The following MKNK1 variants were observed in gnomAD, a reference collection of about 807,000 sequenced individuals.
MKNK1 encodes MAPK interacting serine/threonine kinase 1.
In MKNK1, 30 loss-of-function variants were observed where a neutral mutation model predicts 49.3. That is an observed-to-expected ratio of 0.61 (90% CI 0.46 to 0.83). The LOEUF (loss-of-function observed/expected upper bound fraction) is 0.83, where lower values mean the gene tolerates loss of function less well. Among genes scored for constraint, MKNK1 ranks in the 40% least tolerant of loss-of-function variants. MKNK1 has a pLI of 0.00. For synonymous variants in MKNK1, 176 were observed against 201.7 expected, an observed-to-expected ratio of 0.87 and a Z score of 1.08; for missense variants, 423 against 524.7, an observed-to-expected ratio of 0.81 and a Z score of 1.89.
chr1:46,564,044 C>CAAAAAAAAAAAAAAA lies in MKNK1; in HGVS notation c.609+982_609+996dup, dbSNP rs1217205121. ...TGGGCAACAGAGCAAGACTCTGTCT[C>CAAAAAAAAAAAAAAA]AAAAAAAAAAAAAAAAAAAAAGGGT... On this transcript the variant is annotated intron_variant, in intron 9 of 12. Coordinates refer to ENST00000371945, the MANE Select transcript of MKNK1 (RefSeq NM_001135553.4). Among the ~76,000 whole-genome samples, 59 of 39,084 alleles carry CAAAAAAAAAAAAAAA rather than the reference C, an allele frequency of 1.5e-3. 3 individuals carry two copies. The East Asian group carries it at 0.017, about 11-fold the overall frequency. The allele number at this position is 39,084 out of a possible 152,430, so 25.6% of individuals were successfully genotyped here. A position where few individuals can be genotyped will look rare whatever the true frequency, so the allele number is the denominator to read the frequency against.
At chr1:46,566,101 C>T (rs1218974749) in intron 8 of MKNK1, among the ~76,000 whole-genome samples, 1 of 152,202 alleles carries the variant, frequency 6.6e-6, no homozygotes, top group African/African-American at 2.4e-5. Context: ...TCCATCACTC[C>T]AAACAGAAAC....
intron 2 of MKNK1, among the ~76,000 whole-genome samples, chr1:46,588,807 C>CAAAAA (rs35556956): frequency 7.3e-4 from 52 of 71,312 alleles, no homozygotes; most frequent in African/African-American, 2.4e-3. Context: ...GACTCCGTCT[C>CAAAAA]AAAAAAAAAA....
At chr1:46,582,906 C>A (rs1405145762) in intron 3 of MKNK1, 1 of 522,638 alleles carries the variant, frequency 1.9e-6, no homozygotes. Context: ...CCAGGAATAG[C>A]TGAGGGAAGA....
At chr1:46,562,572 C>G in intron 10 of MKNK1, 77 bp downstream of exon 10, 1 of 1,466,508 alleles carries the variant, frequency 6.8e-7, no homozygotes. Context: ...GCTCTCCCAG[C>G]CCAGTCCTGC....
intron 1 of MKNK1, among the ~76,000 whole-genome samples, chr1:46,595,447 T>C (rs1475508521): frequency 6.6e-6 from 1 of 152,050 alleles, no homozygotes; most frequent in East Asian, 1.9e-4. Context: ...CTTCTCTTCT[T>C]CCCTATCAGA....
intron 2 of MKNK1, among the ~76,000 whole-genome samples, chr1:46,587,288 C>T (rs1037739792): frequency 1.3e-5 from 2 of 152,304 alleles, no homozygotes; most frequent in Non-Finnish European, 2.9e-5. Context: ...AACGGCTCGG[C>T]GGTCCACCAC....
intron 8 of MKNK1, 79 bp downstream of exon 8, chr1:46,568,361 ACTG>A: frequency 7.4e-7 from 1 of 1,348,164 alleles, no homozygotes. Context: ...GGCCAACGGA[ACTG>A]CTAACAATCC....
intron 11 of MKNK1, 28 bp downstream of exon 11, chr1:46,561,450 G>GA (rs760479941): frequency 2.9e-5 from 46 of 1,580,696 alleles, no homozygotes; most frequent in Non-Finnish European, 3.9e-5. Context: ...TGAAGTGGTG[G>GA]AAAACACCCC....
chr1:46,580,745 T>C (rs1671609606), intron 3 of MKNK1, 118 bp from the exon 4 acceptor site: 1 of 654,270 alleles, frequency 1.5e-6, no homozygotes, highest in African/African-American at 1.8e-5. Context: ...CCAATGACTC[T>C]AGCACTCAGT....
chr1:46,584,817 A>T (rs1672274647), intron 2 of MKNK1: 1 of 152,198 alleles, frequency 6.6e-6, no homozygotes, highest in Non-Finnish European at 1.5e-5. Flanking sequence ...ATGACAGCAC[A>T]TTTTAAATTA....
intron 10 of MKNK1, among the ~76,000 whole-genome samples, chr1:46,562,395 C>CAA (rs66491559): frequency 9.9e-4 from 34 of 34,328 alleles, no homozygotes; most frequent in African/African-American, 2.0e-3. Flanking sequence ...GACTCCATCT[C>CAA]AAAAAAAAAA....
Position 46,576,601 on chromosome 1 carries a change from C to T in MKNK1, c.252G>A (p.Glu84=). 1 of 1,614,138 alleles carries T rather than the reference C, an allele frequency of 6.2e-7. No individual in the cohort carries two copies. Among genetic ancestry groups the T allele is most frequent in the Non-Finnish European group, 8.5e-7 (1 of 1,179,966 alleles). The change falls in exon 5 of 13, where the codon GAG becomes GAA. Residue 84 remains glutamate, a synonymous_variant. Transcript: ENST00000371945. ...TGTTTCCCTGACACTGATACAGCGT[C>T]TCCACCTCTCGAAACACCCTACTCC... The part of the protein sequence containing the change: ...HSRSRVFREV[E]TLYQCQGNKN...
chr1:46,567,726 G>A (rs1471003584), intron 8 of MKNK1, among the ~76,000 whole-genome samples: 3 of 152,192 alleles, frequency 2.0e-5, no homozygotes, highest in South Asian at 4.1e-4. Flanking sequence ...AGCTGTGAAC[G>A]TGGGCCCCAA....
Position 46,592,519 on chromosome 1 carries a change from C to T in MKNK1, c.-3+1594G>A, listed in dbSNP as rs551253447. ...GTGTGACTGGAGCTGTGCCTGGGGG[C>T]CACGGAACTGACTGTGATGTGAAGA... On this transcript the variant is annotated intron_variant, in intron 2 of 12. Coordinates refer to ENST00000371945, the MANE Select transcript of MKNK1 (RefSeq NM_001135553.4). Among the ~76,000 whole-genome samples, 8 of 152,270 alleles carry T rather than the reference C, an allele frequency of 5.3e-5. No homozygotes were observed. In the East Asian group the frequency reaches 9.6e-4, roughly 18 times the overall value.
intron 4 of MKNK1, among the ~76,000 whole-genome samples, chr1:46,578,745 C>T (rs541078436): frequency 5.3e-5 from 8 of 151,674 alleles, no homozygotes; most frequent in African/African-American, 1.7e-4. Flanking sequence ...TGCCACCACA[C>T]CAGGCTAACA....
rs974388800 is a variant in MKNK1, at chr1:46,562,640, C to T, written c.804+9G>A. 9 of 1,550,062 alleles carry T rather than the reference C, an allele frequency of 5.8e-6. No homozygotes were observed. Among genetic ancestry groups the T allele is most frequent in the South Asian group, 2.4e-5 (2 of 84,050 alleles). ...GGGTCTACGCAGTGCTCCCTGGGGC[C>T]GCACTCACCTGGCACACCCTGCAGA... On this transcript the variant is annotated intron_variant, in intron 10 of 12. Coordinates refer to ENST00000371945, the MANE Select transcript of MKNK1 (RefSeq NM_001135553.4).
chr1:46,594,680 T>G (rs569398055), intron 1 of MKNK1, among the ~76,000 whole-genome samples: 1 of 152,220 alleles, frequency 6.6e-6, no homozygotes, highest in African/African-American at 2.4e-5. Flanking sequence ...ACCTCTGCTC[T>G]GAGGAGTCTC....
intron 4 of MKNK1, among the ~76,000 whole-genome samples, chr1:46,577,635 A>G (rs934602016): frequency 1.3e-5 from 2 of 152,194 alleles, no homozygotes; most frequent in African/African-American, 4.8e-5. Flanking sequence ...ACCTGCTTAG[A>G]TGCTCTAACT....
At chr1:46,571,525 A>G (rs760674519) in intron 7 of MKNK1, 12 of 439,746 alleles carry the variant, frequency 2.7e-5, no homozygotes, top group African/African-American at 4.1e-5. Flanking sequence ...CCTAGGTGAC[A>G]GAGAGAGACT....
Sources: allele counts gnomAD v4.1 joint callset (sites outside exome capture counted in the v4.1 genomes callset), GRCh38; gene constraint gnomAD v4.1.1; transcripts MANE v1.5; gene names NCBI Gene and HGNC (gene_info 2026-07-23, HGNC 2026-07-21).